The following ZSCAN30 variants were observed in gnomAD, a reference collection of about 807,000 sequenced individuals.
ZSCAN30 encodes the protein zinc finger and SCAN domain containing 30.
A neutral mutation model predicts 44.3 loss-of-function variants in ZSCAN30; 37 were observed. The observed-to-expected ratio is 0.84, with a 90% CI of 0.64 to 1.10. ZSCAN30 has a LOEUF of 1.10. Ranked by LOEUF, ZSCAN30 falls within the 50% of genes least tolerant of loss-of-function variation. The pLI, the probability that ZSCAN30 is intolerant of heterozygous loss-of-function variation, is 0.00. For synonymous variants in ZSCAN30, 181 were observed against 204.6 expected (o/e 0.88, Z 0.98); for missense variants, 549 against 582.6 (o/e 0.94, Z 0.59).
chr18:35,267,423 CA>C (rs2044179733), intron 1 of ZSCAN30: 1 of 152,306 alleles, frequency 6.6e-6, no homozygotes, highest in Non-Finnish European at 1.5e-5. Flanking sequence ...GGATGCGGGA[CA>C]GGGGCGGTTT....
intron 3 of ZSCAN30, chr18:35,260,376 C>T (rs993477208): frequency 6.6e-6 from 1 of 152,162 alleles, no homozygotes; most frequent in Non-Finnish European, 1.5e-5. Flanking sequence ...AGTATATACC[C>T]AGTAATGGGA....
chr18:35,259,549 CTTCTT>C (rs1427855691), intron 3 of ZSCAN30: 3 of 153,486 alleles, frequency 2.0e-5, no homozygotes, highest in Admixed American at 6.5e-5. Flanking sequence ...CTAATCTCCT[CTTCTT>C]TTAAGGACAT....
intron 3 of ZSCAN30, chr18:35,257,166 C>G (rs567798199): frequency 6.6e-6 from 1 of 152,360 alleles, no homozygotes; most frequent in African/African-American, 2.4e-5. Flanking sequence ...GTTCAGTGAG[C>G]AATTCCATCC....
chr18:35,264,194 C>G lies in ZSCAN30; in HGVS notation c.159G>C (p.Gln53His). Residue 53 changes from glutamine (Q) to histidine (H), a missense_variant, in exon 2 of 4, where the codon CAG (glutamine) becomes CAC (histidine). Coordinates refer to ENST00000333206, the MANE Select transcript of ZSCAN30 (RefSeq NM_001112734.4). ...GGCCAGTGGAGTCAGAGTAACTAAA[C>G]TGCCTGAACTTCTGCCGGAATACCT... ...SQEVFRQKFRQFSYSDSTGPR... is the reference protein window; with the variant it reads ...SQEVFRQKFRHFSYSDSTGPR... The G allele has an allele frequency of 6.2e-7, 1 of 1,614,222 alleles. No homozygotes were observed. The highest frequency in any genetic ancestry group is 8.5e-7 in the Non-Finnish European group (1 of 1,180,044).
In ZSCAN30 at chr18:35,270,651, G is replaced by C. The variant is rs149690598; in HGVS notation, c.-103-6196C>G. On this transcript the variant is annotated intron_variant, in intron 1 of 3. Coordinates refer to ENST00000333206, the MANE Select transcript of ZSCAN30 (RefSeq NM_001112734.4). The stretch of plus-strand genomic sequence containing the variant: ...ACTGGAGTGGAGTGGCACCATCTCA[G>C]CTCACTGCAACCTCCCCCTCCGCGG... 5.9e-5 allele frequency among the ~76,000 whole-genome samples: 9 copies of C among 152,262 alleles called. No homozygotes were observed. In the East Asian group the frequency reaches 9.7e-4, roughly 16 times the overall value.
Position 35,253,366 on chromosome 18 carries a change from T to C in ZSCAN30, c.*84A>G. ...GGAGGGAAGGACAGAAGTTCTGCTC[T>C]CAGGAAACTTTTCTTTTCTGTGGAG... On this transcript the variant is annotated 3_prime_UTR_variant, in exon 4 of 4. Coordinates refer to ENST00000333206, the MANE Select transcript of ZSCAN30 (RefSeq NM_001112734.4). The C allele has an allele frequency of 1.7e-6, 2 of 1,182,894 alleles. No individual in the cohort carries two copies. Among genetic ancestry groups the C allele is most frequent in the East Asian group, 2.4e-5 (1 of 41,280 alleles). 73.3% of individuals were successfully genotyped at this position (1,182,894 alleles called of 1,614,324 possible).
chr18:35,254,728 ATCAGG>A, intron 3 of ZSCAN30: 1 of 339,534 alleles, frequency 2.9e-6, no homozygotes, highest in African/African-American at 2.1e-5. Flanking sequence ...TAATGAGATA[ATCAGG>A]AAAAAAAAGT....
intron 1 of ZSCAN30, chr18:35,270,207 G>T (rs928501668): frequency 6.6e-6 from 1 of 152,140 alleles, no homozygotes; most frequent in Non-Finnish European, 1.5e-5. Flanking sequence ...ATCAGTGAAA[G>T]ATGTTAATAA....
chr18:35,264,530 A>T, intron 1 of ZSCAN30, 75 bp from the exon 2 acceptor site: 2 of 657,044 alleles, frequency 3.0e-6, no homozygotes, highest in Non-Finnish European at 5.0e-6. Context: ...TTTGAAGCCC[A>T]GTTGCCAGGG....
In ZSCAN30 at chr18:35,253,948, A is replaced by T; in HGVS notation, c.987T>A (p.Tyr329Ter). 1 of 1,614,186 alleles carries T rather than the reference A, an allele frequency of 6.2e-7. No individual in the cohort carries two copies. Residue 329 changes from tyrosine to a stop codon, truncating the protein, a stop_gained, in exon 4 of 4, where the codon TAT becomes TAA. Transcript: ENST00000333206. LOFTEE classifies it high-confidence loss of function. ...AGGCTTTGCCACATTCTTTACATGC[A>T]TAAGGTCTCTCTCCAGTATGAATTC... ...HQRIHTGERP[Y>*]ACKECGKAFS...
intron 1 of ZSCAN30, among the ~76,000 whole-genome samples, chr18:35,271,110 G>T (rs1223402667): frequency 6.6e-6 from 1 of 152,224 alleles, no homozygotes; most frequent in African/African-American, 2.4e-5. Flanking sequence ...AGAGTGAACA[G>T]CAGCAAGATT....
chr18:35,274,906 A>C lies in ZSCAN30; in HGVS notation c.-103-10451T>G, dbSNP rs55734548. On this transcript the variant is annotated intron_variant, in intron 1 of 3. Transcript: ENST00000333206. ...TCCCCTAAAAGATAGTATCTTTTGAAGAATAATAAGTTTTTAATTTTAATG... is the reference window on the plus strand; with the variant it reads ...TCCCCTAAAAGATAGTATCTTTTGACGAATAATAAGTTTTTAATTTTAATG... 9.4e-3 allele frequency among the ~76,000 whole-genome samples: 1,428 copies of C among 152,346 alleles called. 6 individuals carry two copies. Among genetic ancestry groups the C allele is most frequent in the Non-Finnish European group, 0.014 (982 of 68,026 alleles).
intron 1 of ZSCAN30, 105 bp from the exon 2 acceptor site, chr18:35,264,560 AACTG>A (rs1414447286): frequency 2.2e-5 from 12 of 544,706 alleles, no homozygotes; most frequent in South Asian, 1.1e-4. Context: ...TTGTAAAGAA[AACTG>A]ACTAACAGGG....
At chr18:35,255,187 CA>C (rs2143656792) in intron 3 of ZSCAN30, among the ~76,000 whole-genome samples, 1 of 151,340 alleles carries the variant, frequency 6.6e-6, no homozygotes, top group East Asian at 2.0e-4. Context: ...CTGGCTCTCA[CA>C]AAACATGCCC....
chr18:35,259,976 T>G (rs940262254), intron 3 of ZSCAN30: 3 of 152,322 alleles, frequency 2.0e-5, no homozygotes, highest in Non-Finnish European at 4.4e-5. Context: ...ACCTAGGTAT[T>G]AAGCCCCACA....
intron 1 of ZSCAN30, chr18:35,282,577 C>T (rs1416877681): frequency 6.6e-6 from 1 of 152,260 alleles, no homozygotes; most frequent in Admixed American, 6.5e-5. Context: ...AAATAGTAGC[C>T]ATTTGTAGTT....
At chr18:35,264,829 C>A (rs1003690964) in intron 1 of ZSCAN30, among the ~76,000 whole-genome samples, 3 of 152,134 alleles carry the variant, frequency 2.0e-5, no homozygotes, top group Non-Finnish European at 4.4e-5. Context: ...CTTTTCCTAA[C>A]AACTCTATAA....
intron 1 of ZSCAN30, among the ~76,000 whole-genome samples, chr18:35,288,675 C>G (rs1441040680): frequency 6.6e-6 from 1 of 152,064 alleles, no homozygotes; most frequent in Non-Finnish European, 1.5e-5. Flanking sequence ...AAAATAAAAG[C>G]TTAGTGAAAC....
intron 1 of ZSCAN30, among the ~76,000 whole-genome samples, chr18:35,280,361 T>C (rs990547766): frequency 1.3e-5 from 2 of 148,450 alleles, no homozygotes; most frequent in Non-Finnish European, 3.0e-5. Flanking sequence ...GAGAGAGACA[T>C]AGAAGGCAAG....
Sources: gnomAD v4.1 joint callset for allele counts (sites outside exome capture counted in the v4.1 genomes callset) on GRCh38, gnomAD v4.1.1 for gene constraint, MANE v1.5 for transcripts, NCBI Gene and HGNC (gene_info 2026-07-23, HGNC 2026-07-21) for gene names.